NBAS: variants seen among roughly 807,000 people sequenced by gnomAD.
NBAS encodes NAG/BC035112 fusion.
A neutral mutation model predicts 302.5 loss-of-function variants in NBAS; 219 were observed. The ratio of observed to expected loss-of-function variants is 0.72; its 90% CI spans 0.65 to 0.81. The LOEUF (loss-of-function observed/expected upper bound fraction) is 0.81, where lower values mean the gene tolerates loss of function less well. NBAS is among the 30% of genes least tolerant of loss of function. The pLI is 0.00. For synonymous variants in NBAS, 1,118 were observed against 1,021.6 expected (o/e 1.09, Z -1.80); for missense variants, 2,932 against 2,841.6 (o/e 1.03, Z -0.72).
the NBAS span, among the ~76,000 whole-genome samples, chr2:14,883,390 T>G: frequency 6.6e-6 from 1 of 152,168 alleles, no homozygotes; most frequent in Non-Finnish European, 1.5e-5. Flanking sequence ...TTTAAATGCT[T>G]TATGCTTGCA....
At chr2:14,885,040 G>A in the NBAS span, among the ~76,000 whole-genome samples, 58 of 152,316 alleles carry the variant, frequency 3.8e-4, no homozygotes, top group African/African-American at 1.3e-3. Flanking sequence ...GGGCCTTGAA[G>A]ACCAGGCCCA....
the NBAS span, among the ~76,000 whole-genome samples, chr2:15,020,796 G>T: frequency 2.0e-5 from 3 of 152,294 alleles, no homozygotes; most frequent in Admixed American, 1.3e-4. Flanking sequence ...GTCAATGTGG[G>T]TGTAGGAGAG....
the NBAS span, among the ~76,000 whole-genome samples, chr2:15,071,009 G>A: frequency 2.6e-5 from 4 of 152,022 alleles, no homozygotes; most frequent in Admixed American, 2.0e-4. Context: ...ATGCACAGTG[G>A]GTTAGTGACA....
intron 9 of NBAS, among the ~76,000 whole-genome samples, chr2:15,514,963 A>G (rs1662318193): frequency 6.6e-6 from 1 of 152,194 alleles, no homozygotes; most frequent in Non-Finnish European, 1.5e-5. Context: ...GAATAAGGGG[A>G]AAAGCAGCAG....
At position 15,551,549 on chromosome 2, in the gene NBAS, C is replaced by T. The variant is rs148326786; in HGVS notation, c.336-13G>A. On this transcript the variant is annotated splice_polypyrimidine_tract_variant and intron_variant, in intron 5 of 51. Transcript: ENST00000281513. ...ATCTTTTGCAGACCTGTAAAACATG[C>T]AAAATCAAGGCAAAAGTTTTATCGT... The T allele has an allele frequency of 2.8e-4, 443 of 1,604,764 alleles. No individual in the cohort carries two copies. The highest frequency in any genetic ancestry group is 3.7e-4 in the Non-Finnish European group (430 of 1,174,078).
the NBAS span, among the ~76,000 whole-genome samples, chr2:14,991,641 C>A: frequency 1.3e-5 from 2 of 152,184 alleles, no homozygotes; most frequent in African/African-American, 4.8e-5. Context: ...CGCAGGGAGC[C>A]TTTTAAAACT....
intron 29 of NBAS, among the ~76,000 whole-genome samples, chr2:15,382,251 A>G (rs999098521): frequency 6.6e-6 from 1 of 152,130 alleles, no homozygotes; most frequent in African/African-American, 2.4e-5. Context: ...ATCTATTCCA[A>G]ATTAATGAGT....
intron 9 of NBAS, among the ~76,000 whole-genome samples, chr2:15,528,868 A>AAAG (rs1663065589): frequency 3.0e-5 from 1 of 33,150 alleles, no homozygotes; most frequent in Admixed American, 3.1e-4. Flanking sequence ...CTCCATCTCA[A>AAAG]AAAAAAAAAA....
At position 15,292,730 on chromosome 2, in the gene NBAS, G is replaced by A. The variant is rs756163155; in HGVS notation, c.4834C>T (p.His1612Tyr). 1.2e-6 allele frequency: 2 copies of A among 1,614,204 alleles called. No homozygotes were observed. The highest frequency in any genetic ancestry group is 1.3e-5 in the African/African-American group (1 of 75,064). Residue 1612 changes from histidine to tyrosine, a missense_variant, in exon 41 of 52, where the codon CAT (histidine) becomes TAT (tyrosine). By Grantham distance (83) the His-to-Tyr change is moderately conservative (BLOSUM62 2). Coordinates refer to ENST00000281513, the MANE Select transcript of NBAS (RefSeq NM_015909.4). The stretch of plus-strand genomic sequence containing the variant: ...GCTTCGTGCTCATGTCGAGTCACAT[G>A]CCTGGTGACCATCTTGATTAGTTCT... ...PKELIKMVTRHVTRHEHEAWP... is the reference protein window; with the variant it reads ...PKELIKMVTRYVTRHEHEAWP...
At chr2:14,962,191 G>C in the NBAS span, among the ~76,000 whole-genome samples, 2 of 152,130 alleles carry the variant, frequency 1.3e-5, no homozygotes, top group Non-Finnish European at 2.9e-5. Context: ...CCCTGTGTGG[G>C]TTGATTTAGG....
the NBAS span, among the ~76,000 whole-genome samples, chr2:14,793,643 G>A: frequency 6.6e-6 from 1 of 152,080 alleles, no homozygotes; most frequent in Non-Finnish European, 1.5e-5. Flanking sequence ...AGTGGAAATA[G>A]TCTAAGAAGA....
chr2:15,385,402 CTG>C (rs995578284), intron 28 of NBAS, among the ~76,000 whole-genome samples: 1 of 152,190 alleles, frequency 6.6e-6, no homozygotes, highest in Non-Finnish European at 1.5e-5. Flanking sequence ...GCCATCAACA[CTG>C]GGGCAGATGG....
At chr2:14,865,818 A>G in the NBAS span, among the ~76,000 whole-genome samples, 1 of 152,062 alleles carries the variant, frequency 6.6e-6, no homozygotes, top group Non-Finnish European at 1.5e-5. Context: ...TGTTATTATT[A>G]TTATTATTCC....
At chr2:14,957,605 T>A in the NBAS span, among the ~76,000 whole-genome samples, 2 of 152,142 alleles carry the variant, frequency 1.3e-5, no homozygotes, top group African/African-American at 4.8e-5. Context: ...TACCCACCTT[T>A]CCAGCCATTC....
chr2:14,876,478 G>A, the NBAS span, among the ~76,000 whole-genome samples: 1 of 152,136 alleles, frequency 6.6e-6, no homozygotes, highest in African/African-American at 2.4e-5. Context: ...AAAGTGCCTG[G>A]GGATTTTCTT....
chr2:14,843,833 A>G, the NBAS span, among the ~76,000 whole-genome samples: 32,505 of 152,006 alleles, frequency 0.21, 5,655 homozygotes, highest in African/African-American at 0.48. Context: ...GCAAAACCAT[A>G]CTGAACTCAG....
chr2:15,034,006 GAAGAAGAA>G, the NBAS span, among the ~76,000 whole-genome samples: 82 of 46,514 alleles, frequency 1.8e-3, 3 homozygotes, highest in South Asian at 0.024. Context: ...AGAAGAAGAA[GAAGAAGAA>G]GAAGAAGAAG....
the NBAS span, among the ~76,000 whole-genome samples, chr2:14,954,694 G>A: frequency 2.0e-5 from 3 of 152,136 alleles, no homozygotes; most frequent in African/African-American, 7.2e-5. Context: ...TGGCAGGAGA[G>A]AGAAGGTGTG....
At chr2:15,293,130 T>G (rs1670387932) in intron 40 of NBAS, among the ~76,000 whole-genome samples, 1 of 152,234 alleles carries the variant, frequency 6.6e-6, no homozygotes, top group African/African-American at 2.4e-5. Context: ...TAACTCACTC[T>G]AGAAGTAATT....
Sources: gnomAD v4.1 joint callset for allele counts (sites outside exome capture counted in the v4.1 genomes callset) on GRCh38, gnomAD v4.1.1 for gene constraint, MANE v1.5 for transcripts, NCBI Gene and HGNC (gene_info 2026-07-23, HGNC 2026-07-21) for gene names.